ADGRF3: variants seen among roughly 807,000 people sequenced by gnomAD.
ADGRF3 encodes G protein-coupled receptor 113.
ADGRF3 carries 85 observed loss-of-function variants against 93.2 expected under a neutral mutation model. The observed-to-expected ratio is 0.91, with a 90% confidence interval of 0.77 to 1.09. The LOEUF (loss-of-function observed/expected upper bound fraction) is 1.09, where lower values mean the gene tolerates loss of function less well. Ranked by LOEUF, ADGRF3 falls within the 50% of genes least tolerant of loss-of-function variation. ADGRF3 has a pLI of 0.00. For synonymous variants in ADGRF3, 534 were observed against 532.5 expected, an observed-to-expected ratio of 1.00 and a Z score of -0.04; for missense variants, 1,125 against 1,246.2, an observed-to-expected ratio of 0.90 and a Z score of 1.46.
Position 26,311,005 on chromosome 2 carries a change from T to G in ADGRF3, c.2519A>C (p.Gln840Pro). 6.2e-7 allele frequency: 1 copy of G among 1,613,180 alleles called. No individual in the cohort carries two copies. Among genetic ancestry groups the G allele is most frequent in the Non-Finnish European group, 8.5e-7 (1 of 1,179,594 alleles). ...TTCCCCCTCCCTCAGGTATTGCCCT[T>G]GAGGTAGGTAGAGCCCCAGGGTGAC... ...AGVTLGLYLP[Q>P]GQYLREGECW... The change falls in exon 10 of 14, where the codon CAA becomes CCA. Residue 840 changes from glutamine (Q) to proline (P), a missense_variant. Transcript: ENST00000651242.
intron 1 of ADGRF3, among the ~76,000 whole-genome samples, chr2:26,318,639 A>G (rs930111810): frequency 6.6e-6 from 1 of 152,184 alleles, no homozygotes; most frequent in Non-Finnish European, 1.5e-5. Context: ...CTCTAAGCCA[A>G]TAGTTTCCAA....
At chr2:26,309,357 T>A (rs777345895) in intron 13 of ADGRF3, 169 bp downstream of exon 13, 87 of 1,483,460 alleles carry the variant, frequency 5.9e-5, no homozygotes, top group Non-Finnish European at 7.5e-5. Flanking sequence ...TTCCACCGTC[T>A]CCCAGCCATC....
At position 26,313,862 on chromosome 2, in the gene ADGRF3, CCAGCACAAAGCACTGAGAGCCTGACTCGT is replaced by C; in HGVS notation, c.941_969del (p.Asn314SerfsTer9). ...TCAGCCATCGGGCAGCGCTGAACAG[CCAGCACAAAGCACTGAGAGCCTGACTCGT>C]TGAAGGAGGAAGCTGAAGGCAAAAC... On this transcript the variant is annotated frameshift_variant, in exon 7 of 14. Transcript: ENST00000651242. LOFTEE classifies it high-confidence loss of function. 2 of 1,614,016 alleles carry C rather than the reference CCAGCACAAAGCACTGAGAGCCTGACTCGT, an allele frequency of 1.2e-6. No homozygotes were observed. Among genetic ancestry groups the C allele is most frequent in the Non-Finnish European group, 1.7e-6 (2 of 1,179,894 alleles).
chr2:26,339,791 C>G (rs543483299), intron 1 of ADGRF3, among the ~76,000 whole-genome samples: 7 of 152,222 alleles, frequency 4.6e-5, no homozygotes, highest in South Asian at 4.1e-4. Flanking sequence ...ATTCCAGAGA[C>G]GAATTCAAGG....
intron 1 of ADGRF3, among the ~76,000 whole-genome samples, chr2:26,333,359 G>C (rs1223554279): frequency 2.7e-4 from 2 of 7,494 alleles, no homozygotes; most frequent in Non-Finnish European, 6.7e-4. Flanking sequence ...GAACATAAGA[G>C]AATTGATCAC....
chr2:26,310,815 C>A lies in ADGRF3; in HGVS notation c.2709G>T (p.Val903=). ...PAEKRQALLG[V]IKALLILTPI... is the part of the protein sequence containing the mutation. ...GTGTAAGAATGAGCAGGGCTTTGAT[C>A]ACCCCCAGCAGAGCTTGGCGCTTCT... The change falls in exon 10 of 14, where the codon GTG becomes GTT. Residue 903 remains valine, a synonymous_variant. Transcript: ENST00000651242. 1 of 1,613,796 alleles carries A rather than the reference C, an allele frequency of 6.2e-7. No individual in the cohort carries two copies. The highest frequency in any genetic ancestry group is 8.5e-7 in the Non-Finnish European group (1 of 1,179,784).
At position 26,346,123 on chromosome 2, in the gene ADGRF3, T is replaced by C. The variant is rs1676732232; in HGVS notation, c.112A>G (p.Lys38Glu). 6 of 1,587,162 alleles carry C rather than the reference T, an allele frequency of 3.8e-6. No homozygotes were observed. Among genetic ancestry groups the C allele is most frequent in the Non-Finnish European group, 5.1e-6 (6 of 1,168,574 alleles). ...ARMAKTGLPEKGQSQAGGESG... is the reference protein window; with the variant it reads ...ARMAKTGLPEEGQSQAGGESG... ...TGGGCGGAGCGCGGCTCTCCTACCT[T>C]CTCGGGCAGCCCAGTCTTTGCCATC... The change falls in exon 1 of 14, where the codon AAG (lysine) becomes GAG (glutamate). Residue 38 changes from lysine (K) to glutamate (E), a missense_variant and splice_region_variant. Coordinates refer to ENST00000651242, the MANE Select transcript of ADGRF3 (RefSeq NM_001321971.2).
At chr2:26,343,588 C>T (rs1180206781) in intron 1 of ADGRF3, among the ~76,000 whole-genome samples, 3 of 152,030 alleles carry the variant, frequency 2.0e-5, no homozygotes, top group South Asian at 2.1e-4. Flanking sequence ...TACAGGTACC[C>T]GCCACCACGC....
intron 1 of ADGRF3, among the ~76,000 whole-genome samples, chr2:26,332,891 A>G (rs973356899): frequency 1.3e-5 from 2 of 152,134 alleles, no homozygotes; most frequent in African/African-American, 4.8e-5. Flanking sequence ...TGCAGGGATT[A>G]TAGGCACTAG....
At chr2:26,339,114 C>CAAAA (rs61584458) in intron 1 of ADGRF3, among the ~76,000 whole-genome samples, 107 of 39,502 alleles carry the variant, frequency 2.7e-3, no homozygotes, top group African/African-American at 5.3e-3. Flanking sequence ...GACTCCGTCA[C>CAAAA]AAAAAAAAAA....
intron 1 of ADGRF3, 56 bp downstream of exon 1, chr2:26,346,065 G>C: frequency 1.3e-6 from 2 of 1,507,196 alleles, no homozygotes; most frequent in Non-Finnish European, 1.8e-6. Flanking sequence ...CTGAGAGGCG[G>C]CCGAAGGGGC....
At position 26,315,524 on chromosome 2, in the gene ADGRF3, G is replaced by A; in HGVS notation, c.716C>T (p.Ala239Val). The A allele has an allele frequency of 1.3e-6, 2 of 1,550,304 alleles. No homozygotes were observed. The highest frequency in any genetic ancestry group is 1.7e-6 in the Non-Finnish European group (2 of 1,146,134). The change falls in exon 5 of 14, where the codon GCA (alanine) becomes GTA (valine). Residue 239 changes from alanine (A) to valine (V), a missense_variant and splice_region_variant. Coordinates refer to ENST00000651242, the MANE Select transcript of ADGRF3 (RefSeq NM_001321971.2). The stretch of plus-strand genomic sequence containing the variant: ...CAAGGAGAGGACAGGCTGGCTACCT[G>A]CCCAGTGATGGGACATGTTGGAGAC... ...LSVSNMSHHW[A>V]GEYMSCFEAQ...
chr2:26,316,371 G>T lies in ADGRF3; in HGVS notation c.403C>A (p.His135Asn). 1 of 1,551,866 alleles carries T rather than the reference G, an allele frequency of 6.4e-7. No homozygotes were observed. The change falls in exon 4 of 14, where the codon CAT becomes AAT. Residue 135 changes from histidine to asparagine, a missense_variant. Physicochemically the swap from His to Asn is moderately conservative, Grantham distance 68. Transcript: ENST00000651242. ...TGGAGGCTTTGACAAGGAGGGTAAT[G>T]GAGGCAGATGCTGGTGTTCCACTGG... ...GYQWNTSICL[H>N]YPPCQSLHNH...
intron 4 of ADGRF3, 98 bp from the exon 5 acceptor site, chr2:26,315,838 C>A: frequency 6.7e-7 from 1 of 1,491,886 alleles, no homozygotes. Context: ...GAGCCCATTC[C>A]TCCACACTCC....
rs138078667 is a variant in ADGRF3, at chr2:26,313,889, C to T, written c.943G>A (p.Glu315Lys). Reference protein sequence around the residue: ...GEGSKASSFNESGSQCFVLAV... With the variant: ...GEGSKASSFNKSGSQCFVLAV... ...AGCACAAAGCACTGAGAGCCTGACT[C>T]GTTGAAGGAGGAAGCTGAAGGCAAA... Residue 315 changes from glutamate to lysine, a missense_variant, in exon 7 of 14, where the codon GAG becomes AAG. Coordinates refer to ENST00000651242, the MANE Select transcript of ADGRF3 (RefSeq NM_001321971.2). The T allele has an allele frequency of 6.2e-6, 10 of 1,613,840 alleles. No homozygotes were observed. Among genetic ancestry groups the T allele is most frequent in the Middle Eastern group, 1.6e-4 (1 of 6,084 alleles).
chr2:26,327,424 A>G (rs1675493021), intron 1 of ADGRF3, among the ~76,000 whole-genome samples: 1 of 152,234 alleles, frequency 6.6e-6, no homozygotes, highest in Non-Finnish European at 1.5e-5. Flanking sequence ...TGAGCTGGAT[A>G]GAGCAGCTTT....
At chr2:26,310,669 A>C in intron 10 of ADGRF3, 23 bp downstream of exon 10, 1 of 1,596,042 alleles carries the variant, frequency 6.3e-7, no homozygotes, top group Non-Finnish European at 8.5e-7. Context: ...AGCAAAAAAC[A>C]CAGCCACCCC....
rs139559380 is a variant in ADGRF3, at chr2:26,308,319, C to A, written c.*767G>T. On this transcript the variant is annotated 3_prime_UTR_variant, in exon 14 of 14. Coordinates refer to ENST00000651242, the MANE Select transcript of ADGRF3 (RefSeq NM_001321971.2). ...TAAAAATTTCTCAGAATCCTGTCATCTTCCTCTTGTGAATTCCATAAGTTA... is the reference window on the plus strand; with the variant it reads ...TAAAAATTTCTCAGAATCCTGTCATATTCCTCTTGTGAATTCCATAAGTTA... 1.6e-4 allele frequency: 25 copies of A among 152,190 alleles called. No individual in the cohort carries two copies. The highest frequency in any genetic ancestry group is 5.8e-4 in the African/African-American group (24 of 41,544). 9.4% of individuals were successfully genotyped at this position (152,190 alleles called of 1,614,324 possible).
chr2:26,313,974 T>C (rs1558384165), intron 6 of ADGRF3, 71 bp from the exon 7 acceptor site: 1 of 1,573,566 alleles, frequency 6.4e-7, no homozygotes, highest in South Asian at 1.1e-5. Flanking sequence ...GGCTCTGACA[T>C]GCTGTTTCAG....
Sources: allele counts gnomAD v4.1 joint callset (sites outside exome capture counted in the v4.1 genomes callset), GRCh38; gene constraint gnomAD v4.1.1; transcripts MANE v1.5; gene names NCBI Gene and HGNC (gene_info 2026-07-23, HGNC 2026-07-21).